Variants in TENM4 observed in about 807,000 individuals in gnomAD.
TENM4 encodes the protein teneurin-4.
TENM4 carries 82 observed loss-of-function variants against 243.3 expected under a neutral mutation model. That is an observed-to-expected ratio of 0.34 (90% CI 0.28 to 0.40). TENM4 has a LOEUF of 0.40. Ranked by LOEUF, TENM4 falls within the 10% of genes least tolerant of loss-of-function variation. The pLI is 1.00. For missense variants in TENM4, 3,138 were observed against 3,673.3 expected (o/e 0.85, Z 3.77); for synonymous variants, 1,412 against 1,456.3 (o/e 0.97, Z 0.69).
At chr11:78,746,160 T>A (rs1256407544) in intron 19 of TENM4, among the ~76,000 whole-genome samples, 2 of 152,204 alleles carry the variant, frequency 1.3e-5, no homozygotes, top group Non-Finnish European at 2.9e-5. Flanking sequence ...AGGGGTCTTC[T>A]GAGTGACTGA....
chr11:79,336,362 C>T (rs1210529093), intron 1 of TENM4, among the ~76,000 whole-genome samples: 5 of 152,098 alleles, frequency 3.3e-5, no homozygotes, highest in East Asian at 1.9e-4. Flanking sequence ...AGAGCCATCT[C>T]GCATACTTAC....
intron 26 of TENM4, 22 bp downstream of exon 26, chr11:78,712,460 T>C: frequency 3.1e-6 from 5 of 1,589,200 alleles, no homozygotes; most frequent in African/African-American, 1.3e-5. Context: ...TTATTGACAA[T>C]GTCTCTAAGG....
At chr11:78,721,736 A>C (rs1256483566) in intron 24 of TENM4, among the ~76,000 whole-genome samples, 1 of 152,198 alleles carries the variant, frequency 6.6e-6, no homozygotes, top group Non-Finnish European at 1.5e-5. Flanking sequence ...TTCCAGCTCT[A>C]GGGCCTGTCC....
In TENM4 at chr11:78,812,189, G is replaced by T; in HGVS notation, c.1911C>A (p.Asn637Lys). The change falls in exon 14 of 34, where the codon AAC (asparagine) becomes AAA (lysine). Residue 637 changes from asparagine to lysine, a missense_variant. By Grantham distance (94) the Asn-to-Lys change is moderately conservative. Coordinates refer to ENST00000278550, the MANE Select transcript of TENM4 (RefSeq NM_001098816.3). ...TNQCIDVACS[N>K]HGTCITGTCI... ...AGGTGCCCGTGATGCAGGTGCCATG[G>T]TTGCTGCAGGCCACATCGATACACT... The T allele has an allele frequency of 6.4e-7, 1 of 1,551,870 alleles. No individual in the cohort carries two copies. The highest frequency in any genetic ancestry group is 8.7e-7 in the Non-Finnish European group (1 of 1,147,050).
intron 4 of TENM4, among the ~76,000 whole-genome samples, chr11:79,089,344 T>G (rs892633978): frequency 6.6e-6 from 1 of 152,058 alleles, no homozygotes; most frequent in Non-Finnish European, 1.5e-5. Context: ...AGCTTCCTTC[T>G]CCTCCCATTC....
chr11:78,752,597 T>C (rs948833647), intron 19 of TENM4, among the ~76,000 whole-genome samples: 12 of 152,206 alleles, frequency 7.9e-5, no homozygotes, highest in African/African-American at 2.4e-4. Context: ...GCACAGCACA[T>C]GGGGTGCAGG....
chr11:79,390,709 A>G (rs1590932092), intron 1 of TENM4, among the ~76,000 whole-genome samples: 1 of 152,146 alleles, frequency 6.6e-6, no homozygotes, highest in African/African-American at 2.4e-5. Context: ...GCTTCCATGT[A>G]AGCTCCTGAA....
intron 1 of TENM4, among the ~76,000 whole-genome samples, chr11:79,309,258 T>C (rs1856679402): frequency 6.6e-6 from 1 of 152,230 alleles, no homozygotes; most frequent in Non-Finnish European, 1.5e-5. Context: ...CTATATGCTG[T>C]CAGTTTGCAG....
chr11:79,020,278 A>G (rs1017246175), intron 6 of TENM4, among the ~76,000 whole-genome samples: 1 of 152,178 alleles, frequency 6.6e-6, no homozygotes, highest in Non-Finnish European at 1.5e-5. Flanking sequence ...AACACCGAAC[A>G]CTAATTTTGC....
At chr11:79,044,777 C>T (rs371219410) in intron 6 of TENM4, among the ~76,000 whole-genome samples, 193 of 152,202 alleles carry the variant, frequency 1.3e-3, no homozygotes, top group African/African-American at 4.5e-3. Flanking sequence ...TGGGTTAAAA[C>T]GGAAAACACA....
At chr11:79,056,196 A>T (rs942857862) in intron 6 of TENM4, among the ~76,000 whole-genome samples, 4 of 152,170 alleles carry the variant, frequency 2.6e-5, no homozygotes, top group Non-Finnish European at 5.9e-5. Flanking sequence ...CTCCACTGGA[A>T]TTGAAAATCG....
chr11:79,421,271 G>T (rs1656423505), intron 1 of TENM4, among the ~76,000 whole-genome samples: 1 of 152,048 alleles, frequency 6.6e-6, no homozygotes, highest in African/African-American at 2.4e-5. Context: ...TCAAAAAAAA[G>T]GTAGGGCCAC....
intron 19 of TENM4, among the ~76,000 whole-genome samples, chr11:78,754,383 G>A (rs1856256627): frequency 6.6e-6 from 1 of 152,200 alleles, no homozygotes; most frequent in South Asian, 2.1e-4. Flanking sequence ...AGGTCCCACA[G>A]TGGCTCATGG....
At chr11:79,285,576 T>A (rs1447193351) in intron 2 of TENM4, among the ~76,000 whole-genome samples, 4 of 152,138 alleles carry the variant, frequency 2.6e-5, no homozygotes, top group Non-Finnish European at 5.9e-5. Flanking sequence ...AGCATCATTA[T>A]TCATAATAGT....
At chr11:78,817,489 C>T (rs2136113336) in intron 12 of TENM4, among the ~76,000 whole-genome samples, 1 of 152,334 alleles carries the variant, frequency 6.6e-6, no homozygotes, top group African/African-American at 2.4e-5. Flanking sequence ...AAGGCTTAGG[C>T]TGGGGACCTG....
intron 1 of TENM4, among the ~76,000 whole-genome samples, chr11:79,331,044 GA>G (rs1857053259): frequency 6.6e-6 from 1 of 152,212 alleles, no homozygotes; most frequent in African/African-American, 2.4e-5. Flanking sequence ...GAGGGAAAGA[GA>G]GGTCTTCCCT....
At chr11:78,866,714 A>C (rs991686131) in intron 9 of TENM4, among the ~76,000 whole-genome samples, 2 of 152,228 alleles carry the variant, frequency 1.3e-5, no homozygotes, top group African/African-American at 4.8e-5. Context: ...GGCCTGTGGA[A>C]GATGCACTCC....
chr11:79,122,938 C>T (rs908619423), intron 4 of TENM4, among the ~76,000 whole-genome samples: 2 of 152,204 alleles, frequency 1.3e-5, no homozygotes, highest in Non-Finnish European at 2.9e-5. Context: ...ACCCAGCCTG[C>T]ATGGTTAAGC....
chr11:79,040,987 T>C (rs1006182181), intron 6 of TENM4, among the ~76,000 whole-genome samples: 56 of 151,834 alleles, frequency 3.7e-4, no homozygotes, highest in African/African-American at 1.4e-3. Flanking sequence ...GAAATGAAAA[T>C]ACAAAGGGAA....
Sources: allele counts gnomAD v4.1 joint callset (sites outside exome capture counted in the v4.1 genomes callset), GRCh38; gene constraint gnomAD v4.1.1; transcripts MANE v1.5; gene names NCBI Gene and HGNC (gene_info 2026-07-23, HGNC 2026-07-21).